The following TTC28 variants were observed in gnomAD, a reference collection of about 807,000 sequenced individuals.
TTC28 encodes tetratricopeptide repeat protein 28.
In TTC28, 61 loss-of-function variants were observed where a neutral mutation model predicts 198.0. The ratio of observed to expected loss-of-function variants is 0.31; its 90% CI spans 0.25 to 0.38. TTC28 has a LOEUF of 0.38. Ranked by LOEUF, TTC28 falls within the 10% of genes least tolerant of loss-of-function variation. The pLI is 1.00. For synonymous variants in TTC28, 1,171 were observed against 1,297.8 expected, an observed-to-expected ratio of 0.90 and a Z score of 2.10; for missense variants, 2,678 against 3,164.0, an observed-to-expected ratio of 0.85 and a Z score of 3.69.
chr22:28,417,978 G>A (rs2047192545), intron 2 of TTC28, among the ~76,000 whole-genome samples: 1 of 152,180 alleles, frequency 6.6e-6, no homozygotes, highest in South Asian at 2.1e-4. Flanking sequence ...TTAAAAGACA[G>A]ATCTTTTACC....
chr22:28,030,098 T>A, intron 13 of TTC28, 128 bp downstream of exon 13: 1 of 1,346,564 alleles, frequency 7.4e-7, no homozygotes, highest in Non-Finnish European at 9.9e-7. Context: ...GCATCATGCT[T>A]GCTGCTGCAA....
intron 5 of TTC28, among the ~76,000 whole-genome samples, chr22:28,204,131 T>A (rs1171653878): frequency 6.6e-6 from 1 of 152,152 alleles, no homozygotes; most frequent in Non-Finnish European, 1.5e-5. Flanking sequence ...CCAAAGCATG[T>A]GTCTGTTGCA....
Position 28,163,234 on chromosome 22 carries a change from C to A in TTC28, c.1299G>T (p.Glu433Asp). The stretch of plus-strand genomic sequence containing the variant: ...GGCCTAGTCCAGCATAGGCCCGCAT[C>A]TCAATAGCCTTCTCCATCAACTCCT... ...LAQELMEKAI[E>D]MRAYAGLGHA... Residue 433 changes from glutamate (E) to aspartate (D), a missense_variant, in exon 6 of 23, where the codon GAG becomes GAT. Physicochemically the swap from Glu to Asp is conservative, Grantham distance 45 (BLOSUM62 2). This residue lies in a region of TTC28 where 775 missense variants were observed against 845.9 expected (regional missense o/e 0.92). Coordinates refer to ENST00000397906, the MANE Select transcript of TTC28 (RefSeq NM_001145418.2). The A allele has an allele frequency of 2.6e-6, 4 of 1,551,812 alleles. No homozygotes were observed. The highest frequency in any genetic ancestry group is 3.5e-6 in the Non-Finnish European group (4 of 1,147,032).
intron 2 of TTC28, among the ~76,000 whole-genome samples, chr22:28,395,950 A>G (rs1364821631): frequency 2.6e-5 from 4 of 152,228 alleles, no homozygotes; most frequent in African/African-American, 9.6e-5. Flanking sequence ...ACTATGACTA[A>G]TGCAGACAAA....
At chr22:28,547,151 T>A (rs1284734364) in intron 2 of TTC28, among the ~76,000 whole-genome samples, 1 of 152,232 alleles carries the variant, frequency 6.6e-6, no homozygotes, top group East Asian at 1.9e-4. Context: ...AATATTTGCA[T>A]GTCAATTATA....
chr22:28,413,312 C>T (rs1194917085), intron 2 of TTC28, among the ~76,000 whole-genome samples: 4 of 152,046 alleles, frequency 2.6e-5, no homozygotes, highest in African/African-American at 9.7e-5. Context: ...GTGGCAGGCG[C>T]CTGTAGTCCC....
At chr22:28,161,645 C>A (rs999850437) in intron 6 of TTC28, among the ~76,000 whole-genome samples, 3 of 149,646 alleles carry the variant, frequency 2.0e-5, no homozygotes, top group Non-Finnish European at 4.4e-5. Flanking sequence ...TAGATGGAGA[C>A]CCTGTCTCAA....
intron 1 of TTC28, among the ~76,000 whole-genome samples, chr22:28,669,778 C>T (rs906772259): frequency 6.6e-6 from 1 of 152,144 alleles, no homozygotes; most frequent in African/African-American, 2.4e-5. Flanking sequence ...ATGTTTTCCA[C>T]ATACATGCTT....
intron 12 of TTC28, among the ~76,000 whole-genome samples, chr22:28,087,709 A>G (rs1221463617): frequency 1.3e-5 from 2 of 152,212 alleles, no homozygotes; most frequent in African/African-American, 4.8e-5. Flanking sequence ...TTAGGAAAAG[A>G]GGAAGTCAAA....
chr22:28,181,659 G>A (rs1329830545), intron 5 of TTC28, among the ~76,000 whole-genome samples: 5 of 152,162 alleles, frequency 3.3e-5, no homozygotes, highest in Non-Finnish European at 5.9e-5. Flanking sequence ...ACTATAAATG[G>A]TGAGGCTGAT....
chr22:28,499,317 AAG>A (rs1459582182), intron 2 of TTC28, among the ~76,000 whole-genome samples: 9 of 152,224 alleles, frequency 5.9e-5, no homozygotes, highest in Non-Finnish European at 1.3e-4. Flanking sequence ...AAATATCTAA[AAG>A]AAAAAGTAAA....
intron 5 of TTC28, among the ~76,000 whole-genome samples, chr22:28,261,829 T>G (rs966756099): frequency 6.6e-6 from 1 of 152,106 alleles, no homozygotes; most frequent in Non-Finnish European, 1.5e-5. Context: ...AGCTAGGATA[T>G]CATACATCTA....
At chr22:28,144,153 C>T (rs1943405749) in intron 6 of TTC28, among the ~76,000 whole-genome samples, 1 of 152,196 alleles carries the variant, frequency 6.6e-6, no homozygotes, top group South Asian at 2.1e-4. Context: ...ACAAGAGCCA[C>T]ACCCTTCATT....
At chr22:28,357,511 ATGT>A (rs1170798964) in intron 2 of TTC28, among the ~76,000 whole-genome samples, 1 of 151,784 alleles carries the variant, frequency 6.6e-6, no homozygotes, top group Non-Finnish European at 1.5e-5. Context: ...AGGTCTCACT[ATGT>A]TGCCCAGGCT....
intron 1 of TTC28, among the ~76,000 whole-genome samples, chr22:28,660,149 T>C (rs1487277666): frequency 1.3e-5 from 2 of 152,202 alleles, no homozygotes; most frequent in Non-Finnish European, 2.9e-5. Flanking sequence ...TATATCTTTA[T>C]TTCACAAACC....
chr22:28,263,746 G>A (rs1304690869), intron 5 of TTC28, among the ~76,000 whole-genome samples: 4 of 152,112 alleles, frequency 2.6e-5, no homozygotes, highest in Non-Finnish European at 5.9e-5. Context: ...GCTGACCAGA[G>A]AGGATAAGCT....
chr22:28,222,779 T>C (rs375328357), intron 5 of TTC28, among the ~76,000 whole-genome samples: 1 of 152,242 alleles, frequency 6.6e-6, no homozygotes, highest in Non-Finnish European at 1.5e-5. Flanking sequence ...ATACTCAAGG[T>C]GACCCCAACA....
chr22:28,089,287 G>A (rs1273737288), intron 12 of TTC28, among the ~76,000 whole-genome samples: 1 of 152,050 alleles, frequency 6.6e-6, no homozygotes, highest in Non-Finnish European at 1.5e-5. Flanking sequence ...ATGATAGACT[G>A]GATTAAGAAA....
intron 12 of TTC28, among the ~76,000 whole-genome samples, chr22:28,077,303 T>A (rs1569123904): frequency 6.6e-6 from 1 of 152,192 alleles, no homozygotes; most frequent in Non-Finnish European, 1.5e-5. Context: ...TACTTATTTA[T>A]TTACTGAAAC....
Sources: allele counts gnomAD v4.1 joint callset (sites outside exome capture counted in the v4.1 genomes callset), GRCh38; gene constraint gnomAD v4.1.1; regional missense constraint gnomAD v4.1.1; transcripts MANE v1.5; gene names NCBI Gene and HGNC (gene_info 2026-07-23, HGNC 2026-07-21).